CACNA2D4: variants seen among roughly 807,000 people sequenced by gnomAD.
CACNA2D4 encodes the protein voltage-dependent calcium channel subunit alpha-2/delta-4.
Under a neutral mutation model 163.8 loss-of-function variants are expected in CACNA2D4, and 157 were observed. That is an observed-to-expected ratio of 0.96 (90% CI 0.84 to 1.09). CACNA2D4 has a LOEUF of 1.09. Among genes scored for constraint, CACNA2D4 ranks in the 50% least tolerant of loss-of-function variants. The pLI, the probability that CACNA2D4 is intolerant of heterozygous loss-of-function variation, is 0.00. For missense variants in CACNA2D4, 1,410 were observed against 1,479.9 expected (o/e 0.95, Z 0.78); for synonymous variants, 598 against 586.9 (o/e 1.02, Z -0.27).
chr12:1,865,914 T>C (rs1041557256), intron 18 of CACNA2D4, among the ~76,000 whole-genome samples: 1 of 152,258 alleles, frequency 6.6e-6, no homozygotes, highest in Admixed American at 6.5e-5. Context: ...GTTTGTTTTG[T>C]AGATTCTTGG....
chr12:1,886,402 T>C (rs754230169), intron 7 of CACNA2D4, 29 bp from the exon 8 acceptor site: 1 of 1,606,396 alleles, frequency 6.2e-7, no homozygotes, highest in South Asian at 1.1e-5. Flanking sequence ...ATGCCCAAGA[T>C]GGGAAAACCA....
At chr12:1,830,916 G>T (rs761497944) in intron 26 of CACNA2D4, 1 of 1,576,980 alleles carries the variant, frequency 6.3e-7, no homozygotes, top group African/African-American at 1.3e-5. Flanking sequence ...TCTTTCCCCC[G>T]TCTGTCCCTC....
chr12:1,858,698 C>A, intron 19 of CACNA2D4, 54 bp from the exon 20 acceptor site: 1 of 1,446,234 alleles, frequency 6.9e-7, no homozygotes, highest in Non-Finnish European at 9.5e-7. Context: ...GCCGGCCTGT[C>A]TCCCGGGCCT....
chr12:1,912,610 C>G (rs1866855903), intron 3 of CACNA2D4, among the ~76,000 whole-genome samples: 2 of 152,130 alleles, frequency 1.3e-5, no homozygotes, highest in South Asian at 4.1e-4. Context: ...GCTTTGCTGG[C>G]TCCAGCTAGC....
At chr12:1,830,951 C>G (rs767925655) in intron 26 of CACNA2D4, 1 of 1,601,990 alleles carries the variant, frequency 6.2e-7, no homozygotes, top group Non-Finnish European at 8.5e-7. Flanking sequence ...CCTGCTGGAT[C>G]GCCCTGTATG....
intron 26 of CACNA2D4, chr12:1,827,263 G>A (rs1414809076): frequency 7.3e-6 from 1 of 136,464 alleles, no homozygotes; most frequent in Admixed American, 7.4e-5. Context: ...CTGTGTCCCA[G>A]TTGGGAGACA....
chr12:1,893,669 A>G (rs1261893399), intron 6 of CACNA2D4, among the ~76,000 whole-genome samples: 1 of 152,196 alleles, frequency 6.6e-6, no homozygotes, highest in East Asian at 1.9e-4. Flanking sequence ...CCAATGGGTC[A>G]AGGAAGAAAT....
intron 28 of CACNA2D4, 74 bp downstream of exon 28, chr12:1,810,467 GAA>G (rs1391074854): frequency 4.7e-5 from 71 of 1,513,056 alleles, no homozygotes; most frequent in Middle Eastern, 1.8e-4. Flanking sequence ...TTGGGAGAGG[GAA>G]GCTGGCCTGC....
intron 26 of CACNA2D4, among the ~76,000 whole-genome samples, chr12:1,823,544 C>T (rs1864196195): frequency 6.6e-6 from 1 of 152,010 alleles, no homozygotes; most frequent in African/African-American, 2.4e-5. Context: ...CCTACTGGGG[C>T]CTCCTGCTCC....
intron 26 of CACNA2D4, chr12:1,830,803 A>G (rs1864587512): frequency 1.4e-6 from 1 of 698,828 alleles, no homozygotes; most frequent in Admixed American, 3.0e-5. Context: ...ATAAACGTTT[A>G]TGCATTGATT....
At chr12:1,910,062 C>G in intron 3 of CACNA2D4, 97 bp from the exon 4 acceptor site, 1 of 944,706 alleles carries the variant, frequency 1.1e-6, no homozygotes, top group East Asian at 2.5e-5. Flanking sequence ...AGCAATCCCA[C>G]TCCTGGGTGT....
chr12:1,884,343 C>T (rs1866082572), intron 11 of CACNA2D4, 22 bp from the exon 12 acceptor site: 1 of 1,594,416 alleles, frequency 6.3e-7, no homozygotes, highest in Admixed American at 1.7e-5. Flanking sequence ...GACACAGAGG[C>T]ACTCAGCAGC....
rs1865719876 is a variant in CACNA2D4, at chr12:1,869,271, G to GCAGT, written c.1878+5329_1878+5332dup. Reference sequence around the variant, plus strand: ...TGTGAGATTTGCAGACAGAAGTGCAGCAGTAGCCGTTTTGCACACTGAAGT... The same window carrying GCAGT: ...TGTGAGATTTGCAGACAGAAGTGCAGCAGTCAGTAGCCGTTTTGCACACTGAAGT... On this transcript the variant is annotated intron_variant, in intron 18 of 37. Transcript: ENST00000382722. This position sits in a 1 kb window ranked among gnomAD's most constrained non-coding sequence, Gnocchi z 4.7. Among the ~76,000 whole-genome samples the GCAGT allele has an allele frequency of 6.6e-6, 1 of 152,232 alleles. No individual in the cohort carries two copies. The highest frequency in any genetic ancestry group is 2.1e-4 in the South Asian group (1 of 4,834).
At chr12:1,870,099 A>C (rs1865738484) in intron 18 of CACNA2D4, among the ~76,000 whole-genome samples, 1 of 151,912 alleles carries the variant, frequency 6.6e-6, no homozygotes. Context: ...GACAGTCTTT[A>C]CTCCTAAGGT....
intron 13 of CACNA2D4, 131 bp downstream of exon 13, chr12:1,882,736 C>T (rs1866034014): frequency 1.8e-5 from 16 of 907,086 alleles, no homozygotes; most frequent in South Asian, 3.5e-5. Context: ...CGGCTTCATT[C>T]GCCCCTTCTT....
At position 1,828,288 on chromosome 12, in the gene CACNA2D4, T is replaced by C; in HGVS notation, c.2551+12451A>G. 1.5e-6 allele frequency: 2 copies of C among 1,300,224 alleles called. No individual in the cohort carries two copies. The highest frequency in any genetic ancestry group is 2.7e-5 in the East Asian group (1 of 37,050). 80.5% of individuals were successfully genotyped at this position (1,300,224 alleles called of 1,614,324 possible). Reference sequence around the variant, plus strand: ...GCCGAGGTGACTGTAGGTAGCGCCATATGGGACCTTAGCCACACTCAGGCT... The same window carrying C: ...GCCGAGGTGACTGTAGGTAGCGCCACATGGGACCTTAGCCACACTCAGGCT... On this transcript the variant is annotated intron_variant, in intron 26 of 37. Coordinates refer to ENST00000382722, the MANE Select transcript of CACNA2D4 (RefSeq NM_172364.5). This position sits in a 1 kb window ranked among gnomAD's most constrained non-coding sequence, Gnocchi z 4.2.
intron 6 of CACNA2D4, among the ~76,000 whole-genome samples, chr12:1,896,949 G>T (rs1044080835): frequency 1.1e-4 from 16 of 152,172 alleles, no homozygotes; most frequent in Admixed American, 1.0e-3. Context: ...ACACAGAATG[G>T]AATATTTGGC....
Position 1,799,745 on chromosome 12 carries a change from T to TG in CACNA2D4, c.2975-51dup, listed in dbSNP as rs773554589. On this transcript the variant is annotated intron_variant, in intron 33 of 37. Transcript: ENST00000382722. The surrounding 1 kb of genome is among the most constrained non-coding windows in gnomAD (Gnocchi z 4.7). ...AGGGTGGACACGGCACAGGAAAACA[T>TG]GGTGGCACATGAGGGCAGGATGTCA... 19 of 1,558,628 alleles carry TG rather than the reference T, an allele frequency of 1.2e-5. No individual in the cohort carries two copies. Among genetic ancestry groups the TG allele is most frequent in the Non-Finnish European group, 1.5e-5 (17 of 1,151,188 alleles).
rs561636913 is a variant in CACNA2D4, at chr12:1,812,489, G to T, written c.2552-766C>A. Among the ~76,000 whole-genome samples, 29 of 152,352 alleles carry T rather than the reference G, an allele frequency of 1.9e-4. 1 individual carries two copies. In the South Asian group the frequency reaches 5.8e-3, roughly 30 times the overall value. On this transcript the variant is annotated intron_variant, in intron 26 of 37. Transcript: ENST00000382722. ...TGGGGCCAATGAATAGAAAGAAGAG[G>T]CAGGTTATATTGAAAAGAAGAAGAA... is the stretch of plus-strand genomic sequence containing the variant.
Sources: gnomAD v4.1 joint callset for allele counts (sites outside exome capture counted in the v4.1 genomes callset) on GRCh38, gnomAD v4.1.1 for gene constraint, Gnocchi (gnomAD v3.1) non-coding constraint, MANE v1.5 for transcripts, NCBI Gene and HGNC (gene_info 2026-07-23, HGNC 2026-07-21) for gene names.